BSCL2: variants seen among roughly 807,000 people sequenced by gnomAD.
BSCL2 encodes BSCL2 lipid droplet biogenesis associated, seipin.
Under a neutral mutation model 57.4 loss-of-function variants are expected in BSCL2, and 41 were observed. The observed-to-expected ratio is 0.71, with a 90% confidence interval of 0.56 to 0.93. The LOEUF is 0.93. BSCL2 is among the 40% of genes least tolerant of loss of function. The pLI is 0.00. For synonymous variants in BSCL2, 237 were observed against 227.3 expected, an observed-to-expected ratio of 1.04 and a Z score of -0.38; for missense variants, 539 against 586.7, an observed-to-expected ratio of 0.92 and a Z score of 0.84.
chr11:62,707,564 T>TG, upstream of BSCL2: 1 of 587,176 alleles, frequency 1.7e-6, no homozygotes. Context: ...ATGCCTGCAA[T>TG]GGGGGAGGGG....
At position 62,690,657 on chromosome 11, in the gene BSCL2, G is replaced by C; in HGVS notation, c.1189C>G (p.Gln397Glu). Residue 397 changes from glutamine to glutamate, a missense_variant, in exon 10 of 11, where the codon CAG becomes GAG. Gln to Glu is a conservative substitution (Grantham distance 29). Coordinates refer to ENST00000360796, the MANE Select transcript of BSCL2 (RefSeq NM_001122955.4). ...QLSEEEKPDQ[Q>E]PLSGEEELEP... ...AGCTCCTCTTCTCCGCTCAGGGGCT[G>C]CTGATCTGGTTTCTCCTCCTCGGAC... 1.2e-6 allele frequency: 2 copies of C among 1,613,912 alleles called. No homozygotes were observed. Among genetic ancestry groups the C allele is most frequent in the Non-Finnish European group, 1.7e-6 (2 of 1,180,010 alleles).
chr11:62,708,286 T>G, upstream of BSCL2: 1 of 1,595,004 alleles, frequency 6.3e-7, no homozygotes, highest in Middle Eastern at 1.7e-4. Flanking sequence ...AGGTCCCTCT[T>G]TTTTCCAGGA....
In BSCL2 at chr11:62,692,449, T is replaced by C; in HGVS notation, c.790A>G (p.Ile264Val). 6.2e-7 allele frequency: 1 copy of C among 1,614,014 alleles called. No individual in the cohort carries two copies. Among genetic ancestry groups the C allele is most frequent in the Non-Finnish European group, 8.5e-7 (1 of 1,180,014 alleles). ...NSYVPTTGAI[I>V]EIHSKRIQLY... ...TGGATGCGCTTGCTGTGGATCTCAA[T>C]GATCGCTCCAGTGGTCGGCACGTAC... The change falls in exon 6 of 11, where the codon ATT becomes GTT. Residue 264 changes from isoleucine (I) to valine (V), a missense_variant. Around this residue, in one of 3 missense-constraint regions of BSCL2, gnomAD observed 73 missense variants for 122.0 expected, o/e 0.60. Coordinates refer to ENST00000360796, the MANE Select transcript of BSCL2 (RefSeq NM_001122955.4).
At chr11:62,707,837 G>T, upstream of BSCL2, 1 of 250,810 alleles carries the variant, frequency 4.0e-6, no homozygotes, top group Non-Finnish European at 7.9e-6. Flanking sequence ...ACTGGGTGGG[G>T]CACCCATTTC....
At chr11:62,705,721 C>G in intron 1 of BSCL2, 104 bp from the exon 2 acceptor site, 1 of 1,136,240 alleles carries the variant, frequency 8.8e-7, no homozygotes, top group South Asian at 1.6e-5. Flanking sequence ...AGCAGGATAG[C>G]AAAGTCATTG....
intron 4 of BSCL2, among the ~76,000 whole-genome samples, chr11:62,694,195 CTTTTTTT>C (rs71056545): frequency 6.4e-5 from 3 of 47,134 alleles, no homozygotes; most frequent in Non-Finnish European, 1.1e-4. Context: ...CCCAGACATT[CTTTTTTT>C]TTTTTTTTTT....
chr11:62,704,479 G>C (rs1945754234), intron 2 of BSCL2, among the ~76,000 whole-genome samples: 1 of 152,064 alleles, frequency 6.6e-6, no homozygotes, highest in African/African-American at 2.4e-5. Flanking sequence ...CCAGGAGGCG[G>C]AGCTTGCAGT....
upstream of BSCL2, chr11:62,708,909 T>A: frequency 1.1e-6 from 1 of 872,466 alleles, no homozygotes; most frequent in African/African-American, 1.7e-5. Flanking sequence ...ATCCCATCCC[T>A]AACCCTTGCC....
intron 6 of BSCL2, among the ~76,000 whole-genome samples, chr11:62,692,128 G>C (rs1049132833): frequency 1.3e-5 from 2 of 151,954 alleles, no homozygotes; most frequent in Non-Finnish European, 2.9e-5. Flanking sequence ...TGGCAGGGCG[G>C]AGGGAAGATG....
At chr11:62,708,476 C>G (rs1029762661), upstream of BSCL2, 2 of 1,243,578 alleles carry the variant, frequency 1.6e-6, no homozygotes, top group Non-Finnish European at 2.4e-6. Flanking sequence ...ATAAGAGATG[C>G]GTTCTTTCCT....
upstream of BSCL2, chr11:62,708,303 G>T: frequency 6.2e-7 from 1 of 1,610,692 alleles, no homozygotes; most frequent in Non-Finnish European, 8.5e-7. Context: ...AGGATGAAAG[G>T]TGAGACCCCG....
At chr11:62,708,135 G>A, upstream of BSCL2, 1 of 640,872 alleles carries the variant, frequency 1.6e-6, no homozygotes, top group South Asian at 1.8e-5. Context: ...TTTCCATGAG[G>A]AATACAGGGA....
rs753679234 is a variant in BSCL2 at position 62,691,348 on chromosome 11, T to C, written c.937A>G (p.Ile313Val). ...VASNFTFLSV[I>V]VLFSYMQWVW... The stretch of plus-strand genomic sequence containing the variant: ...CACTGCATGTAGCTGAAGAGCACGA[T>C]GACGCTGAGGAAGGTGAAGTTGCTG... The change falls in exon 7 of 11, where the codon ATC becomes GTC. Residue 313 changes from isoleucine (I) to valine (V), a missense_variant. Ile to Val is a conservative substitution (Grantham distance 29). This residue lies in a region of BSCL2 where 248 missense variants were observed against 239.9 expected (regional missense o/e 1.03). Coordinates refer to ENST00000360796, the MANE Select transcript of BSCL2 (RefSeq NM_001122955.4). The C allele has an allele frequency of 4.3e-6, 7 of 1,614,182 alleles. No individual in the cohort carries two copies. The East Asian group carries it at 1.3e-4, about 31-fold the overall frequency.
At chr11:62,697,663 A>G (rs1480366715) in intron 3 of BSCL2, 2 of 150,984 alleles carry the variant, frequency 1.3e-5, no homozygotes, top group African/African-American at 4.9e-5. Flanking sequence ...ACATGGTGGC[A>G]TGCGCCTGTA....
intron 3 of BSCL2, among the ~76,000 whole-genome samples, chr11:62,695,208 CA>C (rs1945421015): frequency 6.6e-6 from 1 of 152,168 alleles, no homozygotes; most frequent in Non-Finnish European, 1.5e-5. Flanking sequence ...CCCCAAGACT[CA>C]GAGTAGGAAG....
At chr11:62,702,383 T>C in intron 3 of BSCL2, 85 bp downstream of exon 3, 2 of 1,271,576 alleles carry the variant, frequency 1.6e-6, no homozygotes, top group Non-Finnish European at 2.2e-6. Context: ...TATTACTCAA[T>C]TCCTTCTCTC....
intron 3 of BSCL2, among the ~76,000 whole-genome samples, chr11:62,698,339 C>T (rs1945537051): frequency 6.6e-6 from 1 of 152,108 alleles, no homozygotes. Context: ...GCTGGGACTA[C>T]AGGCACACAC....
chr11:62,709,493 G>T, upstream of BSCL2: 1 of 454,014 alleles, frequency 2.2e-6, no homozygotes, highest in Non-Finnish European at 4.4e-6. Flanking sequence ...GAGTGCAGTC[G>T]TACAGCAGAG....
Position 62,691,260 on chromosome 11 carries a change from G to C in BSCL2, c.1005+20C>G, listed in dbSNP as rs1012486553. 14 of 1,614,034 alleles carry C rather than the reference G, an allele frequency of 8.7e-6. No homozygotes were observed. The Admixed American group carries it at 2.2e-4, about 25-fold the overall frequency. On this transcript the variant is annotated intron_variant, in intron 7 of 10. Transcript: ENST00000360796. ...CCACAAAGATCAAAGGGACAAAAGG[G>C]GGTCCTTGCCCCTTTCGACCTGCAA...
Sources: allele counts gnomAD v4.1 joint callset (sites outside exome capture counted in the v4.1 genomes callset), GRCh38; gene constraint gnomAD v4.1.1; regional missense constraint gnomAD v4.1.1; transcripts MANE v1.5; gene names NCBI Gene and HGNC (gene_info 2026-07-23, HGNC 2026-07-21).